CPNE5: variants seen among roughly 807,000 people sequenced by gnomAD.
CPNE5 encodes the protein copine-5.
In CPNE5, 42 loss-of-function variants were observed where a neutral mutation model predicts 81.1. That is an observed-to-expected ratio of 0.52 (90% confidence interval 0.40 to 0.67). The LOEUF (loss-of-function observed/expected upper bound fraction) is 0.67, where lower values mean the gene tolerates loss of function less well. CPNE5 is among the 30% of genes least tolerant of loss of function. The pLI is 0.00. For missense variants in CPNE5, 612 were observed against 815.5 expected (o/e 0.75, Z 3.04); for synonymous variants, 313 against 321.5 (o/e 0.97, Z 0.28).
chr6:36,745,269 C>A, intron 17 of CPNE5, 119 bp from the exon 18 acceptor site: 1 of 1,424,640 alleles, frequency 7.0e-7, no homozygotes, highest in Non-Finnish European at 9.6e-7. Context: ...TCTTCAGGGT[C>A]AGGGCTCCCT....
chr6:36,791,838 C>T (rs1769119733), intron 8 of CPNE5, among the ~76,000 whole-genome samples, 195 bp downstream of exon 8: 1 of 152,128 alleles, frequency 6.6e-6, no homozygotes, highest in Non-Finnish European at 1.5e-5. Flanking sequence ...TCCTTCTCCT[C>T]TCCGGGCCTC....
At chr6:36,809,649 C>A (rs999164215) in intron 3 of CPNE5, among the ~76,000 whole-genome samples, 1 of 152,062 alleles carries the variant, frequency 6.6e-6, no homozygotes, top group African/African-American at 2.4e-5. Context: ...TGACTTAGGA[C>A]CTGATTTTAG....
In CPNE5 at chr6:36,780,027, C is replaced by T. The variant is rs1456637843; in HGVS notation, c.529-1070G>A. Among the ~76,000 whole-genome samples the T allele has an allele frequency of 2.0e-5, 3 of 151,386 alleles. No homozygotes were observed. In the East Asian group the frequency reaches 5.8e-4, roughly 29 times the overall value. ...GTTGCCAGGCTGGAGTGCAGTGGCG[C>T]CATCTCGGCTCACTGCAAGCTCCGC... is the stretch of plus-strand genomic sequence containing the variant. On this transcript the variant is annotated intron_variant, in intron 8 of 20. Coordinates refer to ENST00000244751, the MANE Select transcript of CPNE5 (RefSeq NM_020939.2).
At chr6:36,756,179 A>G (rs375769598) in intron 13 of CPNE5, 66 bp downstream of exon 13, 634 of 1,433,002 alleles carry the variant, frequency 4.4e-4, no homozygotes, top group Non-Finnish European at 5.9e-4. Context: ...GGCCTCCCTG[A>G]TACCAGACCT....
In CPNE5 at chr6:36,778,970, A is replaced by T. The variant is rs777063629; in HGVS notation, c.529-13T>A. 1 of 1,565,384 alleles carries T rather than the reference A, an allele frequency of 6.4e-7. No homozygotes were observed. The highest frequency in any genetic ancestry group is 1.1e-5 in the South Asian group (1 of 89,950). ...TGGTGGCGACATCCTGGTGGGAGGG[A>T]GGGAGAACGGGGTGTGAGGCAGGAG... On this transcript the variant is annotated splice_polypyrimidine_tract_variant and intron_variant, in intron 8 of 20. Transcript: ENST00000244751.
chr6:36,831,984 A>G (rs1257923924), intron 1 of CPNE5, among the ~76,000 whole-genome samples: 2 of 152,234 alleles, frequency 1.3e-5, no homozygotes, highest in Admixed American at 1.3e-4. Flanking sequence ...AAAGGTATAA[A>G]GCTGTCCTGT....
In CPNE5 at chr6:36,742,299, G is replaced by A; in HGVS notation, c.1751C>T (p.Pro584Leu). 1 of 1,603,272 alleles carries A rather than the reference G, an allele frequency of 6.2e-7. No homozygotes were observed. Among genetic ancestry groups the A allele is most frequent in the Non-Finnish European group, 8.5e-7 (1 of 1,176,884 alleles). The change falls in exon 21 of 21, where the codon CCC (proline) becomes CTC (leucine). Residue 584 changes from proline (P) to leucine (L), a missense_variant. Pro to Leu is a moderately conservative substitution (Grantham distance 98). Transcript: ENST00000244751. Reference protein sequence around the residue: ...HSPSQSPARTPPASPLHTHI With the variant: ...HSPSQSPARTLPASPLHTHI ...GTGCGTGTGCAGGGGGGACGCAGGG[G>A]GCGTGCGGGCTGGGGACTGCGAGGG...
intron 1 of CPNE5, among the ~76,000 whole-genome samples, chr6:36,836,353 C>T (rs552322987): frequency 6.6e-6 from 1 of 152,278 alleles, no homozygotes; most frequent in South Asian, 2.1e-4. Context: ...GGATCCTCCC[C>T]TAGGCACAGA....
intron 14 of CPNE5, among the ~76,000 whole-genome samples, chr6:36,752,149 A>G (rs948032000): frequency 3.3e-5 from 5 of 152,148 alleles, no homozygotes; most frequent in African/African-American, 1.2e-4. Flanking sequence ...CTGGAGAACC[A>G]GGCAGCCAAG....
intron 1 of CPNE5, among the ~76,000 whole-genome samples, chr6:36,824,558 A>C (rs1772342896): frequency 2.0e-5 from 3 of 152,142 alleles, no homozygotes; most frequent in Admixed American, 2.0e-4. Flanking sequence ...CTACTCCCAC[A>C]ACCCCCCACA....
chr6:36,782,220 C>T (rs1158185526), intron 8 of CPNE5, among the ~76,000 whole-genome samples: 2 of 152,112 alleles, frequency 1.3e-5, no homozygotes, highest in African/African-American at 2.4e-5. Flanking sequence ...ATCTGGAAGT[C>T]GCCTGAGTGA....
Position 36,798,154 on chromosome 6 carries a change from C to T in CPNE5, c.404+11G>A. The T allele has an allele frequency of 1.2e-6, 2 of 1,612,182 alleles. No individual in the cohort carries two copies. Among genetic ancestry groups the T allele is most frequent in the Non-Finnish European group, 8.5e-7 (1 of 1,178,902 alleles). On this transcript the variant is annotated intron_variant, in intron 6 of 20. Transcript: ENST00000244751. ...TTGGCCTACCACTGGGAAAGCAACC[C>T]AGACACTCACGTGAGGGGCTTTTCC...
intron 10 of CPNE5, among the ~76,000 whole-genome samples, chr6:36,768,075 C>T (rs900995101): frequency 6.6e-6 from 1 of 151,920 alleles, no homozygotes; most frequent in Non-Finnish European, 1.5e-5. Flanking sequence ...CATTAAGGCT[C>T]CAGGGATGGC....
rs777837724 is a variant in CPNE5 at position 36,775,040 on chromosome 6, C to A, written c.658G>T (p.Val220Phe). The A allele has an allele frequency of 1.2e-6, 2 of 1,614,158 alleles. No homozygotes were observed. The highest frequency in any genetic ancestry group is 3.3e-5 in the Admixed American group (2 of 60,030). The change falls in exon 10 of 21, where the codon GTC becomes TTC. Residue 220 changes from valine (V) to phenylalanine (F), a missense_variant. Val to Phe is a conservative substitution (Grantham distance 50). Transcript: ENST00000244751. ...GTFTICHKTE[V>F]MKNTLNPVWQ... is the part of the protein sequence containing the mutation. ...ACTGGATTTAGGGTGTTCTTCATGA[C>A]CTCGGTCTTGTGGCAAATGGTGAAC...
chr6:36,831,512 C>G (rs1470222871), intron 1 of CPNE5, among the ~76,000 whole-genome samples: 1 of 151,928 alleles, frequency 6.6e-6, no homozygotes, highest in Non-Finnish European at 1.5e-5. Flanking sequence ...CGCCACCACA[C>G]CTGGCTAATT....
intron 1 of CPNE5, 125 bp from the exon 2 acceptor site, chr6:36,823,223 A>G: frequency 2.9e-6 from 2 of 693,602 alleles, no homozygotes; most frequent in Non-Finnish European, 4.5e-6. Context: ...ACAGTTCCAC[A>G]ATCGTTTATT....
chr6:36,782,697 G>A (rs1768136156), intron 8 of CPNE5, among the ~76,000 whole-genome samples: 1 of 151,490 alleles, frequency 6.6e-6, no homozygotes, highest in Non-Finnish European at 1.5e-5. Context: ...GGGAAGCTGA[G>A]GCAGGAGAAT....
intron 6 of CPNE5, 59 bp from the exon 7 acceptor site, chr6:36,794,708 G>A (rs2150514630): frequency 3.3e-6 from 5 of 1,498,734 alleles, no homozygotes; most frequent in Non-Finnish European, 4.6e-6. Context: ...CACCCAGACA[G>A]GCCAGCGCAC....
chr6:36,750,944 C>T (rs1429865262), intron 14 of CPNE5, among the ~76,000 whole-genome samples: 1 of 152,244 alleles, frequency 6.6e-6, no homozygotes, highest in Non-Finnish European at 1.5e-5. Flanking sequence ...TCGCAGCAGC[C>T]TAGTGTCTCC....
Sources: gnomAD v4.1 joint callset for allele counts (sites outside exome capture counted in the v4.1 genomes callset) on GRCh38, gnomAD v4.1.1 for gene constraint, MANE v1.5 for transcripts, NCBI Gene and HGNC (gene_info 2026-07-23, HGNC 2026-07-21) for gene names.